Variants in SMARCAL1 observed in about 807,000 individuals in gnomAD.
SMARCAL1 encodes ATP-driven annealing helicase.
SMARCAL1 carries 58 observed loss-of-function variants against 94.5 expected under a neutral mutation model. The observed-to-expected ratio is 0.61, with a 90% CI of 0.50 to 0.76. The LOEUF is 0.76. SMARCAL1 is among the 30% of genes least tolerant of loss of function. The pLI, the probability that SMARCAL1 is intolerant of heterozygous loss-of-function variation, is 0.00. For synonymous variants in SMARCAL1, 422 were observed against 455.1 expected (o/e 0.93, Z 0.93); for missense variants, 1,051 against 1,177.9 (o/e 0.89, Z 1.58).
At chr2:216,415,557 A>G in intron 3 of SMARCAL1, 42 bp downstream of exon 3, 2 of 1,371,712 alleles carry the variant, frequency 1.5e-6, no homozygotes, top group South Asian at 1.3e-5. Flanking sequence ...TTTTTTTCTT[A>G]TTTTTGGAGT....
chr2:216,446,970 G>C (rs1694329088), intron 10 of SMARCAL1, 48 bp from the exon 11 acceptor site: 1 of 1,612,568 alleles, frequency 6.2e-7, no homozygotes, highest in South Asian at 1.1e-5. Flanking sequence ...AACATTTCCT[G>C]TGTGCTCCTC....
At chr2:216,448,415 G>A (rs1185529764) in intron 11 of SMARCAL1, among the ~76,000 whole-genome samples, 1 of 152,186 alleles carries the variant, frequency 6.6e-6, no homozygotes, top group Non-Finnish European at 1.5e-5. Flanking sequence ...AGGGGCTAAA[G>A]ATAAAATTGA....
At chr2:216,435,232 A>G (rs1404881929) in intron 8 of SMARCAL1, 106 bp from the exon 9 acceptor site, 1 of 1,191,776 alleles carries the variant, frequency 8.4e-7, no homozygotes, top group Non-Finnish European at 1.2e-6. Context: ...AGGTGAGAGG[A>G]AGGTAGAGGT....
intron 14 of SMARCAL1, among the ~76,000 whole-genome samples, chr2:216,471,408 G>C (rs1307173699): frequency 6.6e-6 from 1 of 150,610 alleles, no homozygotes; most frequent in African/African-American, 2.5e-5. Flanking sequence ...TCAGGCTGGA[G>C]TGCAATGGTG....
At chr2:216,415,827 T>A (rs1465709778) in intron 3 of SMARCAL1, 2 of 443,968 alleles carry the variant, frequency 4.5e-6, no homozygotes, top group Middle Eastern at 6.4e-4. Context: ...AATAAGTAGA[T>A]GTTATTTTAG....
intron 12 of SMARCAL1, among the ~76,000 whole-genome samples, chr2:216,456,440 A>G (rs1489508937): frequency 1.3e-5 from 2 of 152,364 alleles, no homozygotes; most frequent in East Asian, 3.9e-4. Context: ...AAAGGCAGCC[A>G]GAGAGAAAGG....
chr2:216,465,595 C>A (rs370153780), intron 13 of SMARCAL1, among the ~76,000 whole-genome samples: 12 of 152,150 alleles, frequency 7.9e-5, no homozygotes, highest in African/African-American at 2.9e-4. Flanking sequence ...ATGACAAAAT[C>A]TCAATTGTAT....
chr2:216,463,772 G>A lies in SMARCAL1; in HGVS notation c.2071-825G>A, dbSNP rs570060271. On this transcript the variant is annotated intron_variant, in intron 12 of 17. Transcript: ENST00000357276. ...ATGATACTAAAATGGGCCAGGTGCG[G>A]TGACTCATGCCTGTAATCCCAGCAC... is the stretch of plus-strand genomic sequence containing the variant. Among the ~76,000 whole-genome samples the A allele has an allele frequency of 1.7e-3, 265 of 152,346 alleles. 1 individual carries two copies. Among genetic ancestry groups the A allele is most frequent in the Non-Finnish European group, 2.1e-3 (143 of 68,034 alleles).
chr2:216,479,752 T>A (rs1469360990), intron 17 of SMARCAL1, among the ~76,000 whole-genome samples: 2 of 152,184 alleles, frequency 1.3e-5, no homozygotes, highest in African/African-American at 4.8e-5. Context: ...GCCTAGGTTA[T>A]TACAAGCCTT....
intron 12 of SMARCAL1, among the ~76,000 whole-genome samples, chr2:216,456,022 A>G (rs1177495861): frequency 6.6e-6 from 1 of 152,262 alleles, no homozygotes; most frequent in Non-Finnish European, 1.5e-5. Context: ...GATGGAGCTT[A>G]AAACCATGGC....
At chr2:216,415,855 CT>C in intron 3 of SMARCAL1, 1 of 397,430 alleles carries the variant, frequency 2.5e-6, no homozygotes, top group South Asian at 2.5e-5. Context: ...GGTGATGGAA[CT>C]GGCCCAGCAA....
intron 14 of SMARCAL1, among the ~76,000 whole-genome samples, chr2:216,469,307 A>T (rs1283855634): frequency 8.9e-6 from 1 of 112,038 alleles, no homozygotes; most frequent in Non-Finnish European, 1.7e-5. Context: ...TTTTTGAAAC[A>T]GTCTTGCTCT....
In SMARCAL1 at chr2:216,482,998, TAAA is replaced by T. The variant is rs929930544; in HGVS notation, c.*24_*26del. ...TGTAAAAGGGGCAAAAAGAAAAAAA[TAAA>T]AAGCATTTTAAAATCATGGAATTGA... On this transcript the variant is annotated 3_prime_UTR_variant, in exon 18 of 18. Transcript: ENST00000357276. The surrounding 1 kb of genome is among the most constrained non-coding windows in gnomAD (Gnocchi z 4.3). The T allele has an allele frequency of 1.2e-6, 2 of 1,610,234 alleles. No individual in the cohort carries two copies. Among genetic ancestry groups the T allele is most frequent in the African/African-American group, 1.3e-5 (1 of 74,548 alleles).
At chr2:216,446,976 T>C (rs774805847) in intron 10 of SMARCAL1, 42 bp from the exon 11 acceptor site, 8 of 1,613,664 alleles carry the variant, frequency 5.0e-6, no homozygotes, top group Non-Finnish European at 6.8e-6. Flanking sequence ...TCCTGTGTGC[T>C]CCTCCCTGTG....
chr2:216,429,001 A>T (rs1213739734), intron 7 of SMARCAL1, among the ~76,000 whole-genome samples: 4 of 152,252 alleles, frequency 2.6e-5, no homozygotes, highest in African/African-American at 9.6e-5. Context: ...TCTGAATTGC[A>T]GCTATGCAGA....
chr2:216,437,972 G>A (rs1017238468), intron 9 of SMARCAL1, among the ~76,000 whole-genome samples: 5 of 152,186 alleles, frequency 3.3e-5, no homozygotes, highest in African/African-American at 1.2e-4. Flanking sequence ...CTGATCGGTT[G>A]TCAGTGTGTC....
intron 8 of SMARCAL1, among the ~76,000 whole-genome samples, chr2:216,433,757 A>G (rs1483110748): frequency 6.6e-6 from 1 of 152,148 alleles, no homozygotes; most frequent in East Asian, 1.9e-4. Context: ...TCAGTGAAGA[A>G]GGAAGACCTG....
At chr2:216,454,697 T>C (rs1376696945) in intron 12 of SMARCAL1, among the ~76,000 whole-genome samples, 1 of 152,176 alleles carries the variant, frequency 6.6e-6, no homozygotes, top group Non-Finnish European at 1.5e-5. Context: ...ATTACTATAC[T>C]ATAAAAAAGA....
In SMARCAL1 at chr2:216,447,058, T is replaced by C. The variant is rs1004975176; in HGVS notation, c.1751T>C (p.Met584Thr). The C allele has an allele frequency of 1.9e-6, 3 of 1,603,222 alleles. No individual in the cohort carries two copies. Among genetic ancestry groups the C allele is most frequent in the African/African-American group, 2.8e-5 (2 of 71,480 alleles). ...ATCCTGTTGTCGGGCACACCAGCCA[T>C]GTCCCGGCCCGCAGAGCTCTACACG... is the stretch of plus-strand genomic sequence containing the variant. ...RVILLSGTPA[M>T]SRPAELYTQI... The change falls in exon 11 of 18, where the codon ATG becomes ACG. Residue 584 changes from methionine (M) to threonine (T), a missense_variant. Met to Thr is a moderately conservative substitution (Grantham distance 81). Coordinates refer to ENST00000357276, the MANE Select transcript of SMARCAL1 (RefSeq NM_014140.4).
Sources: allele counts gnomAD v4.1 joint callset (sites outside exome capture counted in the v4.1 genomes callset), GRCh38; gene constraint gnomAD v4.1.1; non-coding constraint Gnocchi (gnomAD v3.1); transcripts MANE v1.5; gene names NCBI Gene and HGNC (gene_info 2026-07-23, HGNC 2026-07-21).